The following PTPRM variants were observed in gnomAD, a reference collection of about 807,000 sequenced individuals.
PTPRM encodes receptor-type tyrosine-protein phosphatase mu.
Under a neutral mutation model 186.7 loss-of-function variants are expected in PTPRM, and 47 were observed. The observed-to-expected ratio is 0.25, with a 90% CI of 0.20 to 0.32. The LOEUF (loss-of-function observed/expected upper bound fraction) is 0.32, where lower values mean the gene tolerates loss of function less well. Ranked by LOEUF, PTPRM falls within the 10% of genes least tolerant of loss-of-function variation. The pLI, the probability that PTPRM is intolerant of heterozygous loss-of-function variation, is 1.00. For synonymous variants in PTPRM, 668 were observed against 674.9 expected (o/e 0.99, Z 0.16); for missense variants, 1,494 against 1,865.0 (o/e 0.80, Z 3.66).
intron 7 of PTPRM, among the ~76,000 whole-genome samples, chr18:7,983,506 G>A (rs1280146017): frequency 2.0e-5 from 3 of 152,086 alleles, no homozygotes; most frequent in African/African-American, 7.2e-5. Context: ...TTTCAATATA[G>A]GCATTTGTCT....
intron 17 of PTPRM, among the ~76,000 whole-genome samples, chr18:8,250,136 T>G (rs2147359489): frequency 6.6e-6 from 1 of 152,308 alleles, no homozygotes; most frequent in Admixed American, 6.5e-5. Flanking sequence ...TCTGGCACCT[T>G]CAGCTCCACC....
In PTPRM at chr18:7,824,446, T is replaced by TG. The variant is rs199807837; in HGVS notation, c.196+50175_196+50176insG. ...ATTTTCCTGTGTGTGTGTGTGTGTGTTTTTTCCTCAGTAGCATTTTCTTTA... is the reference window on the plus strand; with the variant it reads ...ATTTTCCTGTGTGTGTGTGTGTGTGTGTTTTTCCTCAGTAGCATTTTCTTTA... On this transcript the variant is annotated intron_variant, in intron 2 of 32. Transcript: ENST00000580170. Among the ~76,000 whole-genome samples the TG allele has an allele frequency of 2.2e-3, 331 of 152,196 alleles. 2 individuals are homozygous for TG. Among genetic ancestry groups the TG allele is most frequent in the Middle Eastern group, 0.01 (3 of 294 alleles).
intron 19 of PTPRM, among the ~76,000 whole-genome samples, chr18:8,290,203 A>G (rs1045605606): frequency 2.6e-5 from 4 of 152,222 alleles, no homozygotes; most frequent in Non-Finnish European, 4.4e-5. Context: ...CAGTGAGTTC[A>G]TCTTCCTTCT....
intron 1 of PTPRM, among the ~76,000 whole-genome samples, chr18:7,613,879 G>A (rs767081448): frequency 6.6e-6 from 1 of 152,074 alleles, no homozygotes; most frequent in Non-Finnish European, 1.5e-5. Flanking sequence ...TTATAATGTT[G>A]CATAGATGGA....
chr18:7,934,805 C>G (rs893685529), intron 5 of PTPRM, among the ~76,000 whole-genome samples: 1 of 152,088 alleles, frequency 6.6e-6, no homozygotes, highest in Non-Finnish European at 1.5e-5. Flanking sequence ...GGATTTGAAC[C>G]CAGGCCGTCT....
chr18:8,009,264 A>G (rs1477570948), intron 7 of PTPRM, among the ~76,000 whole-genome samples: 1 of 152,112 alleles, frequency 6.6e-6, no homozygotes, highest in African/African-American at 2.4e-5. Context: ...GGATGTGGCT[A>G]AAAGATGAAG....
At chr18:7,772,349 CT>C (rs2042324613) in intron 1 of PTPRM, among the ~76,000 whole-genome samples, 1 of 96,034 alleles carries the variant, frequency 1.0e-5, no homozygotes, top group Non-Finnish European at 2.0e-5. Context: ...TTCTTTCTTT[CT>C]CTTTCTTTCT....
chr18:8,086,025 G>T (rs1003563894), intron 10 of PTPRM, among the ~76,000 whole-genome samples, 153 bp downstream of exon 10: 2 of 152,152 alleles, frequency 1.3e-5, no homozygotes, highest in East Asian at 1.9e-4. Flanking sequence ...AGCTTTAAAT[G>T]AAGTACTACA....
At chr18:7,651,213 G>A (rs952529798) in intron 1 of PTPRM, among the ~76,000 whole-genome samples, 3 of 152,178 alleles carry the variant, frequency 2.0e-5, no homozygotes, top group Non-Finnish European at 2.9e-5. Context: ...GTTAGCCACC[G>A]CGCCTGACCA....
At chr18:8,299,601 A>AAAG in intron 20 of PTPRM, among the ~76,000 whole-genome samples, 1 of 152,240 alleles carries the variant, frequency 6.6e-6, no homozygotes, top group South Asian at 2.1e-4. Flanking sequence ...AAAAACAAAA[A>AAAG]AAAAGGAAGA....
intron 1 of PTPRM, among the ~76,000 whole-genome samples, chr18:7,582,396 G>C (rs968025970): frequency 1.3e-5 from 2 of 152,196 alleles, no homozygotes; most frequent in Admixed American, 6.5e-5. Flanking sequence ...TCCAAAGAGA[G>C]AGCAGAAGTG....
At chr18:8,327,896 T>C (rs771550588) in intron 22 of PTPRM, among the ~76,000 whole-genome samples, 1 of 152,166 alleles carries the variant, frequency 6.6e-6, no homozygotes, top group Non-Finnish European at 1.5e-5. Flanking sequence ...TTATAATTTG[T>C]CCATAATTTG....
chr18:8,169,165 A>G (rs2093362882), intron 14 of PTPRM, among the ~76,000 whole-genome samples: 1 of 152,154 alleles, frequency 6.6e-6, no homozygotes, highest in Non-Finnish European at 1.5e-5. Context: ...ACAATGAGAA[A>G]CACCACACCT....
At chr18:8,247,479 G>A (rs2094488272) in intron 15 of PTPRM, among the ~76,000 whole-genome samples, 1 of 152,220 alleles carries the variant, frequency 6.6e-6, no homozygotes, top group South Asian at 2.1e-4. Flanking sequence ...GCCATGTGTA[G>A]ACACCTTCTT....
chr18:8,232,529 T>C (rs75782279), intron 14 of PTPRM, among the ~76,000 whole-genome samples: 22,936 of 152,158 alleles, frequency 0.15, 1,792 homozygotes, highest in African/African-American at 0.18. Context: ...TGACAAACTG[T>C]TTTTCTTTTT....
intron 14 of PTPRM, among the ~76,000 whole-genome samples, chr18:8,204,390 C>G (rs112923309): frequency 2.8e-3 from 431 of 151,956 alleles, no homozygotes; most frequent in African/African-American, 9.8e-3. Context: ...TTAAATCCCT[C>G]TAGTCATTTA....
intron 2 of PTPRM, among the ~76,000 whole-genome samples, chr18:7,804,918 A>T (rs1598802245): frequency 6.6e-6 from 1 of 152,208 alleles, no homozygotes; most frequent in African/African-American, 2.4e-5. Flanking sequence ...ACGTAATGAC[A>T]TTCTGCTCCC....
chr18:7,678,113 C>A (rs2039390619), intron 1 of PTPRM, among the ~76,000 whole-genome samples: 1 of 151,998 alleles, frequency 6.6e-6, no homozygotes. Context: ...CTTAGAGCAC[C>A]TAAGTATGGA....
At chr18:7,739,301 G>T (rs924783397) in intron 1 of PTPRM, among the ~76,000 whole-genome samples, 1 of 152,142 alleles carries the variant, frequency 6.6e-6, no homozygotes, top group Non-Finnish European at 1.5e-5. Context: ...TTTGATGATT[G>T]CTTTCAGTTG....
Sources: allele counts gnomAD v4.1 joint callset (sites outside exome capture counted in the v4.1 genomes callset), GRCh38; gene constraint gnomAD v4.1.1; transcripts MANE v1.5; gene names NCBI Gene and HGNC (gene_info 2026-07-23, HGNC 2026-07-21).